Variants in KCNH3 observed in about 807,000 individuals in gnomAD.
KCNH3 encodes the protein voltage-gated inwardly rectifying potassium channel KCNH3.
KCNH3 carries 36 observed loss-of-function variants against 95.6 expected under a neutral mutation model. That is an observed-to-expected ratio of 0.38 (90% CI 0.29 to 0.50). The LOEUF (loss-of-function observed/expected upper bound fraction) is 0.50. Among genes scored for constraint, KCNH3 ranks in the 20% least tolerant of loss-of-function variants. The pLI is 0.95. For missense variants in KCNH3, 1,030 were observed against 1,484.1 expected (o/e 0.69, Z 5.03); for synonymous variants, 620 against 646.3 (o/e 0.96, Z 0.62).
chr12:49,541,266 C>T, intron 2 of KCNH3, 134 bp downstream of exon 2: 2 of 718,648 alleles, frequency 2.8e-6, no homozygotes, highest in South Asian at 1.7e-5. Context: ...TCCCATCCCC[C>T]CATCCAACCC....
At chr12:49,556,716 G>A (rs1938466362) in intron 13 of KCNH3, 1 of 691,030 alleles carries the variant, frequency 1.4e-6, no homozygotes, top group Non-Finnish European at 2.6e-6. Flanking sequence ...CTTTCTAGCA[G>A]TGTGAATTTG....
At chr12:49,550,015 G>C in intron 9 of KCNH3, 65 bp from the exon 10 acceptor site, 1 of 1,498,488 alleles carries the variant, frequency 6.7e-7, no homozygotes, top group South Asian at 1.3e-5. Context: ...GAGAGGGGCT[G>C]GCTGGAGGCC....
chr12:49,541,135 G>A lies in KCNH3; in HGVS notation c.310+3G>A. The A allele has an allele frequency of 1.9e-6, 3 of 1,597,678 alleles. No individual in the cohort carries two copies. Among genetic ancestry groups the A allele is most frequent in the Non-Finnish European group, 2.5e-6 (3 of 1,176,588 alleles). On this transcript the variant is annotated splice_donor_region_variant and intron_variant, in intron 2 of 14. Coordinates refer to ENST00000257981, the MANE Select transcript of KCNH3 (RefSeq NM_012284.3). ...GCTGATCCTGTACCGGAAGAGCGGT[G>A]AGGGGCCACCTGGCCAGCCTGCCTC...
intron 7 of KCNH3, among the ~76,000 whole-genome samples, chr12:49,547,285 T>A (rs955686905): frequency 7.2e-5 from 11 of 152,212 alleles, no homozygotes; most frequent in African/African-American, 2.7e-4. Flanking sequence ...CCTAAATTCC[T>A]TAGCCTGGAA....
At chr12:49,541,867 C>A in intron 3 of KCNH3, 103 bp downstream of exon 3, 2 of 1,232,514 alleles carry the variant, frequency 1.6e-6, no homozygotes, top group Non-Finnish European at 2.3e-6. Flanking sequence ...CACCTGCATT[C>A]ATTTCACTCC....
chr12:49,547,730 G>A (rs1175618641), intron 7 of KCNH3, among the ~76,000 whole-genome samples: 1 of 152,164 alleles, frequency 6.6e-6, no homozygotes, highest in Non-Finnish European at 1.5e-5. Context: ...GTCTGGAGTA[G>A]GGGGTCTGTG....
rs954822896 is a variant in KCNH3 at position 49,544,083 on chromosome 12, C to T, written c.981+11C>T. 1 of 1,607,706 alleles carries T rather than the reference C, an allele frequency of 6.2e-7. No homozygotes were observed. The highest frequency in any genetic ancestry group is 8.5e-7 in the Non-Finnish European group (1 of 1,174,934). On this transcript the variant is annotated intron_variant, in intron 6 of 14. Transcript: ENST00000257981. ...TTCAAGGTCAACGTGGTCAGTGTGGCTGGGCTGGCTGGGTGGGTGGGCTTG... is the reference window on the plus strand; with the variant it reads ...TTCAAGGTCAACGTGGTCAGTGTGGTTGGGCTGGCTGGGTGGGTGGGCTTG...
intron 11 of KCNH3, among the ~76,000 whole-genome samples, chr12:49,555,097 T>C (rs998444770): frequency 1.3e-5 from 2 of 151,500 alleles, no homozygotes; most frequent in African/African-American, 2.4e-5. Flanking sequence ...TTTTGAGAGG[T>C]AGTTAACACC....
chr12:49,548,857 T>C (rs1418718208), intron 7 of KCNH3, 38 bp from the exon 8 acceptor site: 2 of 1,512,450 alleles, frequency 1.3e-6, no homozygotes, highest in East Asian at 4.9e-5. Context: ...TCGCCCACAG[T>C]CTTCCTGCCT....
At chr12:49,541,586 A>C (rs777210065) in intron 2 of KCNH3, 44 bp from the exon 3 acceptor site, 1 of 1,607,218 alleles carries the variant, frequency 6.2e-7, no homozygotes, top group Non-Finnish European at 8.5e-7. Flanking sequence ...CACCTCAGGC[A>C]GTGCTGAGAA....
chr12:49,542,882 C>A, intron 4 of KCNH3, 43 bp downstream of exon 4: 1 of 1,589,962 alleles, frequency 6.3e-7, no homozygotes, highest in Non-Finnish European at 8.6e-7. Flanking sequence ...GAGGGGCAGA[C>A]GCAGAAGATG....
intron 7 of KCNH3, chr12:49,546,232 A>G (rs1427871632): frequency 6.6e-6 from 1 of 152,082 alleles, no homozygotes; most frequent in Non-Finnish European, 1.5e-5. Flanking sequence ...GCAGATACAC[A>G]TTATATTCTT....
intron 12 of KCNH3, 138 bp from the exon 13 acceptor site, chr12:49,556,232 T>C (rs925888665): frequency 2.9e-6 from 2 of 697,592 alleles, no homozygotes; most frequent in African/African-American, 1.8e-5. Context: ...AGGGACCCCA[T>C]GTTAGCTTTC....
Position 49,557,539 on chromosome 12 carries a change from C to T in KCNH3, c.2838C>T (p.Ser946=). 2 of 1,611,818 alleles carry T rather than the reference C, an allele frequency of 1.2e-6. No individual in the cohort carries two copies. Among genetic ancestry groups the T allele is most frequent in the Non-Finnish European group, 1.7e-6 (2 of 1,179,978 alleles). ...QPLCVDTGAS[S]YCLQPPAGSV... ...TGTGTGTGGACACTGGGGCATCCTCCTACTGCCTGCAGCCCCCAGCTGGCT... is the reference window on the plus strand; with the variant it reads ...TGTGTGTGGACACTGGGGCATCCTCTTACTGCCTGCAGCCCCCAGCTGGCT... The change falls in exon 15 of 15, where the codon TCC becomes TCT. Residue 946 remains serine, a synonymous_variant. Transcript: ENST00000257981.
At chr12:49,557,026 G>A (rs180892671) in intron 13 of KCNH3, among the ~76,000 whole-genome samples, 157 bp from the exon 14 acceptor site, 103 of 152,254 alleles carry the variant, frequency 6.8e-4, no homozygotes, top group African/African-American at 2.3e-3. Flanking sequence ...CTGGAAGTTT[G>A]GGCAAAATTC....
At chr12:49,550,048 A>ACCCCCCCCCCCCCC in intron 9 of KCNH3, 32 bp from the exon 10 acceptor site, 3 of 800,694 alleles carry the variant, frequency 3.7e-6, no homozygotes, top group African/African-American at 1.7e-5. Flanking sequence ...GCCACTCCCA[A>ACCCCCCCCCCCCCC]CCCCCCCACC....
In KCNH3 at chr12:49,541,625, C is replaced by T. The variant is rs1041202948; in HGVS notation, c.311-5C>T. 6.2e-7 allele frequency: 1 copy of T among 1,613,554 alleles called. No individual in the cohort carries two copies. Among genetic ancestry groups the T allele is most frequent in the Non-Finnish European group, 8.5e-7 (1 of 1,179,856 alleles). ...GAGGTGGGCTGAGTTTGTTTTTGTGCCCAGGGCTCCCGTTCTGGTGTCTCC... is the reference window on the plus strand; with the variant it reads ...GAGGTGGGCTGAGTTTGTTTTTGTGTCCAGGGCTCCCGTTCTGGTGTCTCC... On this transcript the variant is annotated splice_region_variant and splice_polypyrimidine_tract_variant and intron_variant, in intron 2 of 14. Coordinates refer to ENST00000257981, the MANE Select transcript of KCNH3 (RefSeq NM_012284.3).
intron 13 of KCNH3, chr12:49,556,816 C>T: frequency 1.5e-6 from 1 of 645,642 alleles, no homozygotes; most frequent in Non-Finnish European, 2.9e-6. Context: ...CAATCTCTGG[C>T]TAACTGAAGG....
rs1938546774 is a variant in KCNH3 at position 49,558,077 on chromosome 12, G to A, written c.*124G>A. 8.7e-7 allele frequency: 1 copy of A among 1,148,642 alleles called. No individual in the cohort carries two copies. The highest frequency in any genetic ancestry group is 1.6e-5 in the African/African-American group (1 of 64,300). The allele number at this position is 1,148,642 out of a possible 1,614,324, so 71.2% of individuals were successfully genotyped here. ...ATGCGGCCCGCTGGCTCAGGGCAGGGAGCCTGGAAGCAAAGGAGGACCTGG... is the reference window on the plus strand; with the variant it reads ...ATGCGGCCCGCTGGCTCAGGGCAGGAAGCCTGGAAGCAAAGGAGGACCTGG... On this transcript the variant is annotated 3_prime_UTR_variant, in exon 15 of 15. Transcript: ENST00000257981.
Sources: gnomAD v4.1 joint callset for allele counts (sites outside exome capture counted in the v4.1 genomes callset) on GRCh38, gnomAD v4.1.1 for gene constraint, MANE v1.5 for transcripts, NCBI Gene and HGNC (gene_info 2026-07-23, HGNC 2026-07-21) for gene names.